The following C1orf21 variants were observed in gnomAD, a reference collection of about 807,000 sequenced individuals.
C1orf21 encodes the protein chromosome 1 open reading frame 21.
In C1orf21, 3 loss-of-function variants were observed where a neutral mutation model predicts 18.7. The ratio of observed to expected loss-of-function variants is 0.16; its 90% CI spans 0.07 to 0.42. The LOEUF (loss-of-function observed/expected upper bound fraction) is 0.42. C1orf21 is among the 10% of genes least tolerant of loss of function. C1orf21 has a pLI of 0.99. For missense variants in C1orf21, 104 were observed against 143.6 expected, an observed-to-expected ratio of 0.72 and a Z score of 1.41; for synonymous variants, 41 against 46.4, an observed-to-expected ratio of 0.88 and a Z score of 0.47.
At chr1:184,592,965 A>G (rs1219312514) in intron 4 of C1orf21, among the ~76,000 whole-genome samples, 1 of 152,164 alleles carries the variant, frequency 6.6e-6, no homozygotes, top group South Asian at 2.1e-4. Flanking sequence ...ATGTTGTGCT[A>G]TGGCCGCAAC....
At chr1:184,507,962 T>C (rs1225322820) in intron 3 of C1orf21, among the ~76,000 whole-genome samples, 5 of 152,162 alleles carry the variant, frequency 3.3e-5, no homozygotes, top group Non-Finnish European at 5.9e-5. Context: ...GAAGTAGGAT[T>C]GAGGTTTGTG....
chr1:184,586,343 T>C (rs542472858), intron 3 of C1orf21, among the ~76,000 whole-genome samples: 6 of 148,576 alleles, frequency 4.0e-5, no homozygotes, highest in African/African-American at 7.5e-5. Context: ...AGTGCAGTGG[T>C]GCAATCTCGG....
intron 1 of C1orf21, among the ~76,000 whole-genome samples, chr1:184,441,029 C>T (rs1345382232): frequency 6.6e-6 from 1 of 152,176 alleles, no homozygotes; most frequent in East Asian, 1.9e-4. Context: ...AACTGAAATT[C>T]TACCTACTCC....
chr1:184,511,864 A>C (rs1193695736), intron 3 of C1orf21, among the ~76,000 whole-genome samples: 1 of 152,112 alleles, frequency 6.6e-6, no homozygotes, highest in Non-Finnish European at 1.5e-5. Flanking sequence ...ATCAGATCTC[A>C]TGAGAACTCA....
intron 3 of C1orf21, among the ~76,000 whole-genome samples, chr1:184,546,429 C>T (rs947681007): frequency 6.6e-6 from 1 of 152,118 alleles, no homozygotes; most frequent in Non-Finnish European, 1.5e-5. Context: ...AGCAAGACTC[C>T]ATCTCAAAAC....
intron 1 of C1orf21, among the ~76,000 whole-genome samples, chr1:184,396,341 T>C (rs2101954729): frequency 6.6e-6 from 1 of 152,074 alleles, no homozygotes; most frequent in South Asian, 2.1e-4. Flanking sequence ...AGGAGGGAGA[T>C]ACTGAGAACT....
chr1:184,425,738 C>A (rs1228971261), intron 1 of C1orf21, among the ~76,000 whole-genome samples: 1 of 152,136 alleles, frequency 6.6e-6, no homozygotes, highest in Non-Finnish European at 1.5e-5. Context: ...AGGTCAGAGG[C>A]CAATTTTGAA....
chr1:184,418,489 C>CCA (rs1656495741), intron 1 of C1orf21, among the ~76,000 whole-genome samples: 1 of 152,238 alleles, frequency 6.6e-6, no homozygotes, highest in Non-Finnish European at 1.5e-5. Flanking sequence ...GCTGTGATTA[C>CCA]AGGCTTGAAC....
At chr1:184,574,472 A>T (rs12116495) in intron 3 of C1orf21, among the ~76,000 whole-genome samples, 2,225 of 152,340 alleles carry the variant, frequency 0.015, 33 homozygotes, top group Non-Finnish European at 0.023. Context: ...CTAAAGGATT[A>T]CGTATTTATG....
At chr1:184,602,015 ATAAATAG>A (rs1442766493) in intron 5 of C1orf21, among the ~76,000 whole-genome samples, 1 of 152,248 alleles carries the variant, frequency 6.6e-6, no homozygotes, top group Admixed American at 6.5e-5. Context: ...TACAATATAA[ATAAATAG>A]TAAACAGTCC....
intron 1 of C1orf21, among the ~76,000 whole-genome samples, chr1:184,435,346 C>T (rs1437378619): frequency 3.3e-5 from 5 of 151,932 alleles, no homozygotes; most frequent in African/African-American, 1.2e-4. Flanking sequence ...TGTTTTTTGT[C>T]GTTGTTGTTG....
intron 3 of C1orf21, among the ~76,000 whole-genome samples, chr1:184,529,943 T>C (rs902638442): frequency 1.3e-5 from 2 of 152,232 alleles, no homozygotes; most frequent in African/African-American, 4.8e-5. Context: ...ATTAGCTGCA[T>C]GACCTTGGCC....
chr1:184,515,233 T>C (rs1658206152), intron 3 of C1orf21, among the ~76,000 whole-genome samples: 1 of 152,220 alleles, frequency 6.6e-6, no homozygotes, highest in Admixed American at 6.5e-5. Flanking sequence ...AGGGGATTTT[T>C]ATCTTTAAAC....
At chr1:184,563,374 T>C (rs1658992246) in intron 3 of C1orf21, among the ~76,000 whole-genome samples, 1 of 152,202 alleles carries the variant, frequency 6.6e-6, no homozygotes, top group African/African-American at 2.4e-5. Context: ...AAACATTGTG[T>C]TGGTTAAAAG....
At chr1:184,434,269 G>A (rs1405381486) in intron 1 of C1orf21, among the ~76,000 whole-genome samples, 1 of 152,112 alleles carries the variant, frequency 6.6e-6, no homozygotes, top group Non-Finnish European at 1.5e-5. Context: ...CACTCCCCGA[G>A]GGTCTCTGTG....
intron 1 of C1orf21, among the ~76,000 whole-genome samples, chr1:184,468,009 T>TGA (rs1491246462): frequency 2.7e-4 from 39 of 145,230 alleles, no homozygotes; most frequent in African/African-American, 8.6e-4. Flanking sequence ...TGTGTGTGTG[T>TGA]GTGAGAGAGA....
At position 184,539,777 on chromosome 1, in the gene C1orf21, C is replaced by G. The variant is rs148492160; in HGVS notation, c.189+32095C>G. ...TTCTTTGCCCATTGTGACCACGTGA[C>G]TTGTTTTTCCAGATGAAATGTGAGT... On this transcript the variant is annotated intron_variant, in intron 3 of 5. Transcript: ENST00000235307. Among the ~76,000 whole-genome samples the G allele has an allele frequency of 7.4e-3, 1,129 of 152,288 alleles. 5 individuals are homozygous for G. The highest frequency in any genetic ancestry group is 0.02 in the Middle Eastern group (6 of 294).
At chr1:184,402,311 G>T (rs1195361738) in intron 1 of C1orf21, among the ~76,000 whole-genome samples, 1 of 152,088 alleles carries the variant, frequency 6.6e-6, no homozygotes, top group Admixed American at 6.6e-5. Flanking sequence ...TTGTTGTATG[G>T]TATGGAGAAT....
At chr1:184,587,524 TTGTGTGTGTGTGTG>T (rs3034486) in intron 3 of C1orf21, among the ~76,000 whole-genome samples, 22,609 of 139,656 alleles carry the variant, frequency 0.16, 1,852 homozygotes, top group East Asian at 0.2. Context: ...TTCCTAGGAA[TTGTGTGTGTGTGTG>T]TGTGTGTGTG....
Sources: gnomAD v4.1 joint callset for allele counts (sites outside exome capture counted in the v4.1 genomes callset) on GRCh38, gnomAD v4.1.1 for gene constraint, MANE v1.5 for transcripts, NCBI Gene and HGNC (gene_info 2026-07-23, HGNC 2026-07-21) for gene names.